Variants in CASK observed in about 807,000 individuals in gnomAD.
CASK encodes the protein peripheral plasma membrane protein CASK.
CASK carries 4 observed loss-of-function variants against 82.9 expected under a neutral mutation model. The ratio of observed to expected loss-of-function variants is 0.05; its 90% CI spans 0.02 to 0.11. The LOEUF (loss-of-function observed/expected upper bound fraction) is 0.11, where lower values mean the gene tolerates loss of function less well. Ranked by LOEUF, CASK falls within the 10% of genes least tolerant of loss-of-function variation. The pLI is 1.00. For missense variants in CASK, 358 were observed against 720.9 expected (o/e 0.50, Z 5.76); for synonymous variants, 259 against 253.5 (o/e 1.02, Z -0.20).
intron 5 of CASK, among the ~76,000 whole-genome samples, chrX:41,715,206 G>A (rs2068039317): frequency 1.8e-5 from 2 of 112,621 alleles, no homozygotes; most frequent in Non-Finnish European, 1.9e-5. Flanking sequence ...CTGGCCACAT[G>A]GTCAGGCAGA....
chrX:41,915,716 G>A (rs1169998967), intron 1 of CASK, among the ~76,000 whole-genome samples: 2 of 109,209 alleles, frequency 1.8e-5, no homozygotes, highest in African/African-American at 6.7e-5. Context: ...TAGGCTGGAC[G>A]CGGTGGCTCA....
chrX:41,847,298 T>G (rs763251941), intron 2 of CASK, among the ~76,000 whole-genome samples: 3 of 111,728 alleles, frequency 2.7e-5, no homozygotes, highest in Non-Finnish European at 5.6e-5. Flanking sequence ...TTTTGCTCAT[T>G]CTTTTATCTT....
chrX:41,846,006 C>T (rs750337627), intron 2 of CASK, among the ~76,000 whole-genome samples: 54 of 111,531 alleles, frequency 4.8e-4, no homozygotes, highest in Non-Finnish European at 8.9e-4. Flanking sequence ...CTATGGAGAA[C>T]AGTTTGGAGG....
intron 1 of CASK, among the ~76,000 whole-genome samples, chrX:41,915,718 G>A (rs996845568): frequency 9.2e-6 from 1 of 108,930 alleles, no homozygotes; most frequent in South Asian, 4.0e-4. Context: ...GGCTGGACGC[G>A]GTGGCTCACG....
At chrX:41,805,114 A>C (rs988667913) in intron 2 of CASK, among the ~76,000 whole-genome samples, 3 of 111,865 alleles carry the variant, frequency 2.7e-5, no homozygotes, top group Non-Finnish European at 5.6e-5. Context: ...TACAATGTTC[A>C]AACAGACTAC....
intron 5 of CASK, among the ~76,000 whole-genome samples, chrX:41,718,604 G>A (rs1361223027): frequency 8.9e-6 from 1 of 112,548 alleles, no homozygotes; most frequent in Non-Finnish European, 1.9e-5. Context: ...GAGGTCATCT[G>A]TTTAGACTCT....
At chrX:41,649,780 A>G (rs945978097) in intron 8 of CASK, among the ~76,000 whole-genome samples, 16 of 111,309 alleles carry the variant, frequency 1.4e-4, no homozygotes, top group Non-Finnish European at 2.3e-4. Context: ...CTTGGTGCAG[A>G]GCTGAGTTCA....
intron 1 of CASK, among the ~76,000 whole-genome samples, chrX:41,869,575 G>C (rs986545748): frequency 9.1e-6 from 1 of 109,932 alleles, no homozygotes; most frequent in African/African-American, 3.3e-5. Flanking sequence ...CGATCTGGGA[G>C]GCCAAGGTAG....
intron 3 of CASK, among the ~76,000 whole-genome samples, chrX:41,747,212 C>T (rs1055189756): frequency 9.0e-6 from 1 of 110,666 alleles, no homozygotes; most frequent in African/African-American, 3.3e-5. Flanking sequence ...ACCTAAGGAA[C>T]ATTTTCCAAT....
chrX:41,834,544 A>G (rs2070893506), intron 2 of CASK, among the ~76,000 whole-genome samples: 1 of 111,033 alleles, frequency 9.0e-6, no homozygotes, highest in African/African-American at 3.3e-5. Flanking sequence ...TCCTTCCCCC[A>G]GGCCTTCCCA....
At chrX:41,780,145 C>T (rs533125671) in intron 3 of CASK, among the ~76,000 whole-genome samples, 2 of 111,846 alleles carry the variant, frequency 1.8e-5, no homozygotes, top group African/African-American at 6.5e-5. Flanking sequence ...CAGCTTAACT[C>T]AAGTACCAGA....
intron 3 of CASK, among the ~76,000 whole-genome samples, chrX:41,786,165 C>T (rs943419370): frequency 2.7e-5 from 3 of 111,521 alleles, no homozygotes; most frequent in Non-Finnish European, 5.6e-5. Context: ...GCTTTATTAT[C>T]ACCTTGTGAG....
intron 5 of CASK, among the ~76,000 whole-genome samples, chrX:41,699,336 T>G (rs960539631): frequency 2.7e-5 from 3 of 112,070 alleles, no homozygotes; most frequent in African/African-American, 9.7e-5. Context: ...ATACTGAAAT[T>G]TGCAGAAAAA....
chrX:41,526,961 G>A (rs1346363287), intron 25 of CASK, among the ~76,000 whole-genome samples: 1 of 111,214 alleles, frequency 9.0e-6, no homozygotes, highest in African/African-American at 3.3e-5. Context: ...CGGGTCTCAA[G>A]TGGGTGCCAC....
At chrX:41,808,144 C>T (rs974701806) in intron 2 of CASK, among the ~76,000 whole-genome samples, 5 of 111,993 alleles carry the variant, frequency 4.5e-5, no homozygotes, top group South Asian at 3.7e-4. Context: ...TGTGAGCCAT[C>T]GTGCCAGGCC....
intron 5 of CASK, among the ~76,000 whole-genome samples, chrX:41,725,544 T>C (rs1185357522): frequency 3.6e-5 from 4 of 111,473 alleles, no homozygotes; most frequent in African/African-American, 1.3e-4. Flanking sequence ...ACACAGAGAA[T>C]ATGGCACATT....
At chrX:41,916,260 C>A (rs2072685081) in intron 1 of CASK, among the ~76,000 whole-genome samples, 1 of 112,486 alleles carries the variant, frequency 8.9e-6, no homozygotes, top group African/African-American at 3.2e-5. Flanking sequence ...AAAAGTAACA[C>A]AAAATTATTA....
At chrX:41,668,248 A>G (rs2067145453) in intron 6 of CASK, among the ~76,000 whole-genome samples, 1 of 111,888 alleles carries the variant, frequency 8.9e-6, no homozygotes, top group Admixed American at 9.5e-5. Flanking sequence ...GAATAGGGCT[A>G]TCCAACTCGG....
chrX:41,756,215 G>C (rs1027063334), intron 3 of CASK, among the ~76,000 whole-genome samples: 1 of 111,877 alleles, frequency 8.9e-6, no homozygotes, highest in Non-Finnish European at 1.9e-5. Flanking sequence ...TTGACACTAG[G>C]ACAGACAACA....
Sources: allele counts gnomAD v4.1 joint callset (sites outside exome capture counted in the v4.1 genomes callset), GRCh38; gene constraint gnomAD v4.1.1; transcripts MANE v1.5; gene names NCBI Gene and HGNC (gene_info 2026-07-23, HGNC 2026-07-21).